MYBPC1: variants seen among roughly 807,000 people sequenced by gnomAD.
MYBPC1 encodes myosin-binding protein C, slow-type.
Under a neutral mutation model 147.1 loss-of-function variants are expected in MYBPC1, and 52 were observed. The ratio of observed to expected loss-of-function variants is 0.35; its 90% CI spans 0.28 to 0.45. The LOEUF (loss-of-function observed/expected upper bound fraction) is 0.45. Among genes scored for constraint, MYBPC1 ranks in the 20% least tolerant of loss-of-function variants. The pLI, the probability that MYBPC1 is intolerant of heterozygous loss-of-function variation, is 1.00. For synonymous variants in MYBPC1, 477 were observed against 475.9 expected, an observed-to-expected ratio of 1.00 and a Z score of -0.03; for missense variants, 1,228 against 1,440.3, an observed-to-expected ratio of 0.85 and a Z score of 2.39.
intron 22 of MYBPC1, chr12:101,666,273 G>A (rs1186538543): frequency 5.3e-6 from 1 of 187,678 alleles, no homozygotes; most frequent in Non-Finnish European, 1.1e-5. Flanking sequence ...TCTTGAATGA[G>A]GGAGCCCCAC....
intron 3 of MYBPC1, among the ~76,000 whole-genome samples, chr12:101,625,150 C>G (rs1251875824): frequency 2.0e-5 from 3 of 149,324 alleles, no homozygotes; most frequent in Non-Finnish European, 3.0e-5. Context: ...GATGAAGACA[C>G]AAGTCTTAAC....
rs942081849 is a variant in MYBPC1 at position 101,651,400 on chromosome 12, G to A, written c.1526+7G>A. On this transcript the variant is annotated splice_region_variant and intron_variant, in intron 16 of 31. Coordinates refer to ENST00000361466, the MANE Select transcript of MYBPC1 (RefSeq NM_002465.4). ...AGGTGGTTCACAAGGGAAGGTAAGC[G>A]AGCCAGGTGACCCGCAAGTGAGGTT... 16 of 1,613,770 alleles carry A rather than the reference G, an allele frequency of 9.9e-6. No individual in the cohort carries two copies. The highest frequency in any genetic ancestry group is 2.2e-5 in the East Asian group (1 of 44,876).
chr12:101,629,383 T>C (rs779018746), intron 5 of MYBPC1, 51 bp from the exon 6 acceptor site: 1 of 1,285,424 alleles, frequency 7.8e-7, no homozygotes, highest in Non-Finnish European at 1.1e-6. Context: ...TAAGACTGCC[T>C]AAGAAGAGCC....
chr12:101,663,691 C>A, intron 22 of MYBPC1, 131 bp downstream of exon 22: 2 of 1,065,504 alleles, frequency 1.9e-6, no homozygotes, highest in Non-Finnish European at 1.4e-6. Flanking sequence ...AAACGTCATC[C>A]TTCTGAGATG....
At chr12:101,665,712 C>A (rs914586259) in intron 22 of MYBPC1, among the ~76,000 whole-genome samples, 1 of 152,088 alleles carries the variant, frequency 6.6e-6, no homozygotes, top group East Asian at 1.9e-4. Flanking sequence ...GGTCTTGTTT[C>A]GTCCTGTTTT....
intron 3 of MYBPC1, among the ~76,000 whole-genome samples, chr12:101,618,235 G>T (rs1022102592): frequency 1.3e-5 from 2 of 152,048 alleles, no homozygotes; most frequent in South Asian, 2.1e-4. Flanking sequence ...CAGTAGATTG[G>T]ATTACTTTCC....
At chr12:101,610,222 T>C (rs1453529762) in intron 1 of MYBPC1, among the ~76,000 whole-genome samples, 1 of 152,238 alleles carries the variant, frequency 6.6e-6, no homozygotes, top group Admixed American at 6.5e-5. Context: ...TGAAAAGGAC[T>C]AAGGTCCTAT....
chr12:101,606,203 AACACAC>A (rs113061042), intron 1 of MYBPC1, among the ~76,000 whole-genome samples: 24 of 145,896 alleles, frequency 1.6e-4, no homozygotes, highest in Admixed American at 6.9e-4. Context: ...TCAAAAAAGA[AACACAC>A]ACACACACAC....
At position 101,633,673 on chromosome 12, in the gene MYBPC1, T is replaced by C. The variant is rs540049839; in HGVS notation, c.557-881T>C. Among the ~76,000 whole-genome samples the C allele has an allele frequency of 2.1e-3, 306 of 147,856 alleles. 1 individual carries two copies. The highest frequency in any genetic ancestry group is 3.3e-3 in the Non-Finnish European group (220 of 67,008). On this transcript the variant is annotated intron_variant, in intron 8 of 31. Transcript: ENST00000361466. ...TTGCACTCCAGCCTGGGCAACAGAGTGAGACTCCGTCTCAACAAAAAAAAA... is the reference window on the plus strand; with the variant it reads ...TTGCACTCCAGCCTGGGCAACAGAGCGAGACTCCGTCTCAACAAAAAAAAA...
At chr12:101,678,753 G>A (rs991022373) in intron 28 of MYBPC1, among the ~76,000 whole-genome samples, 1 of 152,208 alleles carries the variant, frequency 6.6e-6, no homozygotes, top group Non-Finnish European at 1.5e-5. Flanking sequence ...AAAGAACAAC[G>A]AATTAATGAA....
At chr12:101,662,178 AT>A (rs1194844446) in intron 20 of MYBPC1, among the ~76,000 whole-genome samples, 179 bp from the exon 21 acceptor site, 1 of 152,074 alleles carries the variant, frequency 6.6e-6, no homozygotes, top group Non-Finnish European at 1.5e-5. Flanking sequence ...TTTCATCTAT[AT>A]TTTATATTAA....
At chr12:101,641,660 C>A (rs1340122232) in intron 10 of MYBPC1, among the ~76,000 whole-genome samples, 1 of 152,068 alleles carries the variant, frequency 6.6e-6, no homozygotes, top group South Asian at 2.1e-4. Context: ...ATAACTCATA[C>A]CCAATTTGCT....
At chr12:101,617,508 C>T (rs1020657411) in intron 3 of MYBPC1, among the ~76,000 whole-genome samples, 1 of 152,106 alleles carries the variant, frequency 6.6e-6, no homozygotes, top group Non-Finnish European at 1.5e-5. Flanking sequence ...TGGTAGTTTC[C>T]AAGTTTCGAC....
rs776313079 is a variant in MYBPC1, at chr12:101,662,519, A to G, written c.2194A>G (p.Met732Val). 4 of 1,614,162 alleles carry G rather than the reference A, an allele frequency of 2.5e-6. No individual in the cohort carries two copies. The South Asian group carries it at 3.3e-5, about 13-fold the overall frequency. The change falls in exon 21 of 32, where the codon ATG (methionine) becomes GTG (valine). Residue 732 changes from methionine to valine, a missense_variant. Met to Val is a conservative substitution (Grantham distance 21, BLOSUM62 1). Around this residue, in one of 2 missense-constraint regions of MYBPC1, gnomAD observed 1,077 missense variants for 1,314.2 expected, o/e 0.82. Transcript: ENST00000361466. ...TGCCATTGGCATCTCCAAGCCCAGT[A>G]TGCCCTCCAGGCCTTTTGTTCCTTT... ...VNAIGISKPS[M>V]PSRPFVPLAV...
chr12:101,679,654 G>A (rs1950805309), intron 28 of MYBPC1, among the ~76,000 whole-genome samples: 1 of 152,172 alleles, frequency 6.6e-6, no homozygotes, highest in African/African-American at 2.4e-5. Flanking sequence ...TATCTGATTG[G>A]AGTAGATCCA....
At chr12:101,653,382 A>G in intron 18 of MYBPC1, 134 bp downstream of exon 18, 1 of 1,233,348 alleles carries the variant, frequency 8.1e-7, no homozygotes, top group Non-Finnish European at 1.1e-6. Context: ...TAAAGATGTA[A>G]TTCCTTTGAA....
At chr12:101,680,654 T>A in intron 29 of MYBPC1, 125 bp downstream of exon 29, 1 of 1,189,594 alleles carries the variant, frequency 8.4e-7, no homozygotes, top group Non-Finnish European at 1.2e-6. Context: ...TGGGAGAGGG[T>A]GGTGAGGGCA....
chr12:101,609,070 AAGG>A (rs1565887634), intron 1 of MYBPC1, among the ~76,000 whole-genome samples: 2 of 152,016 alleles, frequency 1.3e-5, no homozygotes, highest in African/African-American at 2.4e-5. Flanking sequence ...TGAAAAGGAG[AAGG>A]AGAAGGGCCT....
Position 101,680,304 on chromosome 12 carries a change from G to T in MYBPC1, c.3247-39G>T, listed in dbSNP as rs1455839419. ...ATGGTCTATTAATATGCCAATTACA[G>T]ATATGTTTTGACCTAAGTTTCTTCA... On this transcript the variant is annotated intron_variant, in intron 28 of 31. Coordinates refer to ENST00000361466, the MANE Select transcript of MYBPC1 (RefSeq NM_002465.4). The T allele has an allele frequency of 3.8e-6, 6 of 1,583,870 alleles. No homozygotes were observed. In the African/African-American group the frequency reaches 6.7e-5, roughly 18 times the overall value.
Sources: allele counts gnomAD v4.1 joint callset (sites outside exome capture counted in the v4.1 genomes callset), GRCh38; gene constraint gnomAD v4.1.1; regional missense constraint gnomAD v4.1.1; transcripts MANE v1.5; gene names NCBI Gene and HGNC (gene_info 2026-07-23, HGNC 2026-07-21).